UBE2G2: variants seen among roughly 807,000 people sequenced by gnomAD.
UBE2G2 encodes ubiquitin conjugating enzyme E2 G2.
Under a neutral mutation model 23.0 loss-of-function variants are expected in UBE2G2, and 10 were observed. The observed-to-expected ratio is 0.43, with a 90% CI of 0.27 to 0.74. The LOEUF (loss-of-function observed/expected upper bound fraction) is 0.74. Ranked by LOEUF, UBE2G2 falls within the 30% of genes least tolerant of loss-of-function variation. The probability of loss-of-function intolerance (pLI) is 0.19; values close to 1 mark genes in which losing one functional copy is unlikely to be tolerated. For synonymous variants in UBE2G2, 86 were observed against 81.3 expected, an observed-to-expected ratio of 1.06 and a Z score of -0.31; for missense variants, 150 against 218.3, an observed-to-expected ratio of 0.69 and a Z score of 1.97.
rs558705985 is a variant in UBE2G2, at chr21:44,769,973, C to A, written c.*1404G>T. On this transcript the variant is annotated 3_prime_UTR_variant, in exon 6 of 6. Transcript: ENST00000345496. The stretch of plus-strand genomic sequence containing the variant: ...AGATCTGTTATTGCTTACACTGTGG[C>A]CTCCTGGCCTGTGCTGCTCAGCTGG... 2.0e-5 allele frequency: 3 copies of A among 152,338 alleles called. No individual in the cohort carries two copies. Among genetic ancestry groups the A allele is most frequent in the East Asian group, 3.9e-4 (2 of 5,180 alleles). 9.4% of individuals were successfully genotyped at this position (152,338 alleles called of 1,614,324 possible). A position where few individuals can be genotyped will look rare whatever the true frequency, so the allele number is the denominator to read the frequency against.
chr21:44,777,141 A>T (rs1224358161), intron 4 of UBE2G2, 158 bp downstream of exon 4: 3 of 646,354 alleles, frequency 4.6e-6, no homozygotes, highest in Non-Finnish European at 7.9e-6. Context: ...TCATGTGCTT[A>T]ATACCACCAT....
chr21:44,800,871 CTTCACCTGCAG>C (rs1359215783), intron 1 of UBE2G2: 2 of 152,192 alleles, frequency 1.3e-5, no homozygotes, highest in Non-Finnish European at 2.9e-5. Flanking sequence ...TTGCTAAGCA[CTTCACCTGCAG>C]TATCAAGTTT....
intron 1 of UBE2G2, chr21:44,801,239 T>G: frequency 1.1e-6 from 1 of 901,354 alleles, no homozygotes. Flanking sequence ...GGTGGCACTG[T>G]TCAAAAACCC....
rs138889008 is a variant in UBE2G2, at chr21:44,773,611, C to T, written c.321G>A (p.Ala107=). The part of the protein sequence containing the change: ...GDDPMGYESS[A]ERWSPVQSVE... ...CACTCTGCACAGGACTCCACCGCTC[C>T]GCGCTGCTCTCGTAGCCCATGGGGT... The change falls in exon 5 of 6, where the codon GCG becomes GCA. Residue 107 remains alanine, a synonymous_variant. Coordinates refer to ENST00000345496, the MANE Select transcript of UBE2G2 (RefSeq NM_003343.6). 12 of 1,612,074 alleles carry T rather than the reference C, an allele frequency of 7.4e-6. No individual in the cohort carries two copies. The highest frequency in any genetic ancestry group is 4.4e-5 in the South Asian group (4 of 91,088).
chr21:44,779,220 C>T (rs982793284), intron 3 of UBE2G2: 10 of 450,824 alleles, frequency 2.2e-5, no homozygotes, highest in Non-Finnish European at 4.4e-5. Context: ...GGCTGATCTG[C>T]GGGCAACAGT....
Position 44,771,386 on chromosome 21 carries a change from C to T in UBE2G2, c.489G>A (p.Leu163=). Residue 163 remains leucine, a synonymous_variant, in exon 6 of 6, where the codon CTG becomes CTA. Coordinates refer to ENST00000345496, the MANE Select transcript of UBE2G2 (RefSeq NM_003343.6). This position sits in a 1 kb window ranked among gnomAD's most constrained non-coding sequence, Gnocchi z 4.6. ...TGTGCGAGGCCAGGTCTCACAGTCCCAGAGACTTCTGGACGATCTGCTTGG... is the reference window on the plus strand; with the variant it reads ...TGTGCGAGGCCAGGTCTCACAGTCCTAGAGACTTCTGGACGATCTGCTTGG... The part of the protein sequence containing the change: ...KIAKQIVQKS[L]GL 6.2e-7 allele frequency: 1 copy of T among 1,612,804 alleles called. No homozygotes were observed. Among genetic ancestry groups the T allele is most frequent in the South Asian group, 1.1e-5 (1 of 91,084 alleles).
intron 4 of UBE2G2, among the ~76,000 whole-genome samples, chr21:44,776,165 G>A (rs1033630797): frequency 6.6e-6 from 1 of 152,086 alleles, no homozygotes; most frequent in East Asian, 1.9e-4. Flanking sequence ...AGATGTAAAA[G>A]GAAGAATGTA....
intron 1 of UBE2G2, among the ~76,000 whole-genome samples, chr21:44,794,699 T>C (rs1383608252): frequency 6.6e-6 from 1 of 152,070 alleles, no homozygotes; most frequent in Non-Finnish European, 1.5e-5. Context: ...CATGCCCAGC[T>C]AATTTTTTGT....
rs183246489 is a variant in UBE2G2, at chr21:44,801,693, T to A, written c.43+13A>T. ...CGCGGGACGCTGCTGACGGCCCGGG[T>A]CCCCAGACTCACGTTTGTACTCGGC... On this transcript the variant is annotated intron_variant, in intron 1 of 5. Transcript: ENST00000345496. The A allele has an allele frequency of 2.0e-3, 3,036 of 1,512,372 alleles. 53 individuals are homozygous for A. In the African/African-American group the frequency reaches 0.034, roughly 17 times the overall value. The allele number at this position is 1,512,372 out of a possible 1,614,324, so 93.7% of individuals were successfully genotyped here. A position where few individuals can be genotyped will look rare whatever the true frequency, so the allele number is the denominator to read the frequency against.
intron 1 of UBE2G2, 53 bp from the exon 2 acceptor site, chr21:44,788,148 CA>C (rs782568011): frequency 8.8e-5 from 132 of 1,504,998 alleles, no homozygotes; most frequent in Non-Finnish European, 9.0e-5. Flanking sequence ...GTTACATTGT[CA>C]TTTTAACAAA....
At chr21:44,789,020 T>C (rs890439006) in intron 1 of UBE2G2, among the ~76,000 whole-genome samples, 2 of 152,104 alleles carry the variant, frequency 1.3e-5, no homozygotes, top group Non-Finnish European at 2.9e-5. Flanking sequence ...ATATGAGGCA[T>C]ATATATATCT....
chr21:44,780,193 C>A (rs930340963), intron 3 of UBE2G2, among the ~76,000 whole-genome samples: 1 of 152,302 alleles, frequency 6.6e-6, no homozygotes. Context: ...GCAAATGCTC[C>A]GGTTTACTAC....
intron 3 of UBE2G2, chr21:44,779,274 T>C: frequency 2.5e-6 from 1 of 402,992 alleles, no homozygotes; most frequent in South Asian, 1.8e-5. Flanking sequence ...GACAAGATTT[T>C]TCAATCTAAA....
chr21:44,790,676 A>G (rs550179675), intron 1 of UBE2G2, among the ~76,000 whole-genome samples: 11 of 152,304 alleles, frequency 7.2e-5, no homozygotes, highest in East Asian at 3.9e-4. Flanking sequence ...TTCTGTCATG[A>G]TAAGTTTCCT....
chr21:44,796,439 C>G (rs980612542), intron 1 of UBE2G2, among the ~76,000 whole-genome samples: 1 of 152,172 alleles, frequency 6.6e-6, no homozygotes, highest in Non-Finnish European at 1.5e-5. Flanking sequence ...GAGATTGATT[C>G]TGTCAAGTCC....
rs74778563 is a variant in UBE2G2, at chr21:44,787,971, G to A, written c.80-6C>T. On this transcript the variant is annotated splice_polypyrimidine_tract_variant and splice_region_variant and intron_variant, in intron 2 of 5. Transcript: ENST00000345496. ...GTTCTCTTCATTCATGGGGCCTGTA[G>A]GGTGAGAAAAAATTTCACAACATTT... 89,392 of 1,612,766 alleles carry A rather than the reference G, an allele frequency of 0.055. 2,945 individuals carry two copies. The highest frequency in any genetic ancestry group is 0.062 in the Non-Finnish European group (72,725 of 1,179,572).
At chr21:44,784,658 G>A (rs1555961742) in intron 3 of UBE2G2, among the ~76,000 whole-genome samples, 1 of 152,316 alleles carries the variant, frequency 6.6e-6, no homozygotes, top group Admixed American at 6.5e-5. Flanking sequence ...CCCCCAGTGT[G>A]AGAAGGGCTC....
intron 3 of UBE2G2, among the ~76,000 whole-genome samples, chr21:44,780,483 T>C (rs1381925277): frequency 5.3e-5 from 8 of 152,242 alleles, no homozygotes; most frequent in African/African-American, 1.7e-4. Context: ...AAAGCAAATG[T>C]AAATTTTTCA....
At position 44,771,297 on chromosome 21, in the gene UBE2G2, G is replaced by T; in HGVS notation, c.*80C>A. 1 of 1,337,332 alleles carries T rather than the reference G, an allele frequency of 7.5e-7. No homozygotes were observed. The highest frequency in any genetic ancestry group is 1.1e-6 in the Non-Finnish European group (1 of 940,990). The allele number at this position is 1,337,332 out of a possible 1,614,324, so 82.8% of individuals were successfully genotyped here. ...GTCTGCCTTGTTTGGTACCAGCACA[G>T]AGCATCACTGTCACTAAGTGTGCCG... On this transcript the variant is annotated 3_prime_UTR_variant, in exon 6 of 6. Coordinates refer to ENST00000345496, the MANE Select transcript of UBE2G2 (RefSeq NM_003343.6). The surrounding 1 kb of genome is among the most constrained non-coding windows in gnomAD (Gnocchi z 4.6).
Sources: gnomAD v4.1 joint callset for allele counts (sites outside exome capture counted in the v4.1 genomes callset) on GRCh38, gnomAD v4.1.1 for gene constraint, Gnocchi (gnomAD v3.1) non-coding constraint, MANE v1.5 for transcripts, NCBI Gene and HGNC (gene_info 2026-07-23, HGNC 2026-07-21) for gene names.